VWA3B: variants seen among roughly 807,000 people sequenced by gnomAD.
VWA3B encodes von Willebrand factor A domain containing 3B, also known as von Willebrand factor A domain-containing protein 3B.
A neutral mutation model predicts 158.3 loss-of-function variants in VWA3B; 138 were observed. That is an observed-to-expected ratio of 0.87 (90% CI 0.76 to 1.00). The LOEUF (loss-of-function observed/expected upper bound fraction) is 1.00. VWA3B is among the 50% of genes least tolerant of loss of function. The pLI is 0.00. For synonymous variants in VWA3B, 596 were observed against 587.3 expected, an observed-to-expected ratio of 1.01 and a Z score of -0.21; for missense variants, 1,555 against 1,565.1, an observed-to-expected ratio of 0.99 and a Z score of 0.11.
At chr2:98,173,265 A>G (rs1451775733) in intron 8 of VWA3B, among the ~76,000 whole-genome samples, 1 of 152,250 alleles carries the variant, frequency 6.6e-6, no homozygotes, top group Admixed American at 6.5e-5. Flanking sequence ...CACTTCAGGC[A>G]AGGCAAAGGA....
intron 8 of VWA3B, among the ~76,000 whole-genome samples, chr2:98,166,913 T>A (rs1374445379): frequency 1.3e-5 from 2 of 152,166 alleles, no homozygotes; most frequent in African/African-American, 2.4e-5. Context: ...AAAGTTTGGC[T>A]GGGACCTTTC....
chr2:98,257,834 C>T (rs1687249509), intron 21 of VWA3B, among the ~76,000 whole-genome samples: 1 of 151,864 alleles, frequency 6.6e-6, no homozygotes, highest in South Asian at 2.1e-4. Context: ...TCATAATGTC[C>T]TTGGAGGTCC....
intron 26 of VWA3B, among the ~76,000 whole-genome samples, chr2:98,309,930 A>G (rs745497406): frequency 5.3e-5 from 8 of 152,288 alleles, no homozygotes; most frequent in South Asian, 4.1e-4. Flanking sequence ...TGAGTGTCCT[A>G]TGTAATTTAG....
At chr2:98,297,845 C>T in intron 23 of VWA3B, 62 bp from the exon 24 acceptor site, 2 of 1,422,394 alleles carry the variant, frequency 1.4e-6, no homozygotes, top group African/African-American at 1.5e-5. Flanking sequence ...AAAGATGGCA[C>T]AAGCCTAAGG....
At chr2:98,110,925 ACT>A (rs1390038806) in intron 2 of VWA3B, among the ~76,000 whole-genome samples, 10 of 151,614 alleles carry the variant, frequency 6.6e-5, no homozygotes, top group Admixed American at 2.6e-4. Flanking sequence ...CTTTGCACAA[ACT>A]CTCTCTTTGC....
At chr2:98,315,814 A>G (rs935701170), downstream of VWA3B, among the ~76,000 whole-genome samples, 1 of 152,254 alleles carries the variant, frequency 6.6e-6, no homozygotes, top group Non-Finnish European at 1.5e-5. Flanking sequence ...AAAATTCTGA[A>G]TCAATAACAC....
At chr2:98,283,995 C>T (rs74940052) in intron 22 of VWA3B, among the ~76,000 whole-genome samples, 133 of 152,280 alleles carry the variant, frequency 8.7e-4, no homozygotes, top group African/African-American at 2.9e-3. Context: ...GGTGAAAGCT[C>T]AGGAATAAGC....
At chr2:98,193,436 G>T (rs1288338605) in intron 11 of VWA3B, among the ~76,000 whole-genome samples, 1 of 152,152 alleles carries the variant, frequency 6.6e-6, no homozygotes, top group Non-Finnish European at 1.5e-5. Flanking sequence ...TATTCTGCCT[G>T]TGCTGCCTCT....
At chr2:98,316,666 G>C (rs1285834652), downstream of VWA3B, among the ~76,000 whole-genome samples, 2 of 148,480 alleles carry the variant, frequency 1.3e-5, no homozygotes, top group South Asian at 4.3e-4. Flanking sequence ...AAAAAAAAAA[G>C]TGTAATCCCC....
At chr2:98,303,544 G>T (rs888826296) in intron 25 of VWA3B, among the ~76,000 whole-genome samples, 158 bp from the exon 26 acceptor site, 1 of 152,040 alleles carries the variant, frequency 6.6e-6, no homozygotes, top group Non-Finnish European at 1.5e-5. Flanking sequence ...GCAAATAATT[G>T]TCAAGTGAGG....
At chr2:98,098,119 A>T (rs943351618) in intron 2 of VWA3B, among the ~76,000 whole-genome samples, 2 of 152,104 alleles carry the variant, frequency 1.3e-5, no homozygotes, top group Non-Finnish European at 2.9e-5. Flanking sequence ...AAATTTGGTA[A>T]GACTTGTTTT....
At chr2:98,209,618 C>T (rs1375584584) in intron 12 of VWA3B, among the ~76,000 whole-genome samples, 1 of 152,022 alleles carries the variant, frequency 6.6e-6, no homozygotes, top group Non-Finnish European at 1.5e-5. Flanking sequence ...TTTTTAAATG[C>T]TTTTTAAGCC....
At chr2:98,245,380 AT>A in intron 19 of VWA3B, 1 of 368,582 alleles carries the variant, frequency 2.7e-6, no homozygotes, top group East Asian at 7.4e-5. Context: ...GTCACACTAA[AT>A]TTGACATCAT....
intron 2 of VWA3B, among the ~76,000 whole-genome samples, chr2:98,103,106 T>G (rs1287413328): frequency 6.6e-6 from 1 of 152,222 alleles, no homozygotes; most frequent in African/African-American, 2.4e-5. Flanking sequence ...CCTCTTTCAT[T>G]CTTTTTTAAT....
At chr2:98,171,679 T>C (rs1460582240) in intron 8 of VWA3B, among the ~76,000 whole-genome samples, 2 of 150,834 alleles carry the variant, frequency 1.3e-5, no homozygotes, top group Admixed American at 1.3e-4. Context: ...GATTTACATT[T>C]AGAAAAAAAA....
intron 19 of VWA3B, among the ~76,000 whole-genome samples, chr2:98,248,687 C>T (rs953697324): frequency 5.9e-5 from 9 of 152,112 alleles, no homozygotes; most frequent in Non-Finnish European, 1.3e-4. Context: ...CTCCCTCTGC[C>T]TTGCCATCTT....
intron 14 of VWA3B, among the ~76,000 whole-genome samples, chr2:98,226,687 G>A (rs1382095434): frequency 6.6e-6 from 1 of 150,746 alleles, no homozygotes; most frequent in Non-Finnish European, 1.5e-5. Context: ...AAAGGTCTTA[G>A]TATCTAGAAT....
chr2:98,188,212 T>C, intron 10 of VWA3B, 83 bp downstream of exon 10: 2 of 1,518,306 alleles, frequency 1.3e-6, no homozygotes, highest in East Asian at 2.3e-5. Context: ...CTCCCTTTTA[T>C]TTTTAGTTGA....
chr2:98,124,893 T>G (rs915595478), intron 5 of VWA3B, among the ~76,000 whole-genome samples: 3 of 152,180 alleles, frequency 2.0e-5, no homozygotes, highest in Non-Finnish European at 4.4e-5. Flanking sequence ...AGCTGCAGAA[T>G]GAATGGCCCA....
Sources: gnomAD v4.1 joint callset for allele counts (sites outside exome capture counted in the v4.1 genomes callset) on GRCh38, gnomAD v4.1.1 for gene constraint, MANE v1.5 for transcripts, NCBI Gene and HGNC (gene_info 2026-07-23, HGNC 2026-07-21) for gene names.